PHACTR3: variants seen among roughly 807,000 people sequenced by gnomAD.
The protein encoded by PHACTR3 is protein phosphatase 1, regulatory subunit 123.
PHACTR3 carries 16 observed loss-of-function variants against 66.8 expected under a neutral mutation model. The observed-to-expected ratio is 0.24, with a 90% CI of 0.16 to 0.36. The LOEUF is 0.36. Ranked by LOEUF, PHACTR3 falls within the 10% of genes least tolerant of loss-of-function variation. The pLI is 1.00. For synonymous variants in PHACTR3, 323 were observed against 292.1 expected, an observed-to-expected ratio of 1.11 and a Z score of -1.08; for missense variants, 647 against 719.9, an observed-to-expected ratio of 0.90 and a Z score of 1.16.
chr20:59,765,366 A>C (rs533040280), intron 4 of PHACTR3, among the ~76,000 whole-genome samples: 1 of 152,324 alleles, frequency 6.6e-6, no homozygotes, highest in Non-Finnish European at 1.5e-5. Flanking sequence ...GAACAAGAGT[A>C]TAGAGCCAGT....
intron 1 of PHACTR3, among the ~76,000 whole-genome samples, chr20:59,633,433 TAA>T: frequency 1.3e-5 from 2 of 152,168 alleles, no homozygotes; most frequent in South Asian, 4.2e-4. Context: ...CTCTCACTTA[TAA>T]GTGGGAGTTG....
chr20:59,737,489 C>CGTGT (rs148487053), intron 1 of PHACTR3, among the ~76,000 whole-genome samples: 1 of 150,386 alleles, frequency 6.6e-6, no homozygotes, highest in African/African-American at 2.4e-5. Flanking sequence ...CGTGCATGTG[C>CGTGT]GTGTGTGTGT....
In PHACTR3 at chr20:59,711,783, C is replaced by G. The variant is rs140677823; in HGVS notation, c.119-31324C>G. On this transcript the variant is annotated intron_variant, in intron 1 of 12. Transcript: ENST00000371015. ...GTTGAAAAGTGTTATGTAGAACCAT[C>G]GTAAGTCAGGGATAGTCTGTATTTA... is the stretch of plus-strand genomic sequence containing the variant. Among the ~76,000 whole-genome samples the G allele has an allele frequency of 1.1e-4, 17 of 152,228 alleles. 1 individual carries two copies. The East Asian group carries it at 3.3e-3, about 29-fold the overall frequency.
intron 1 of PHACTR3, among the ~76,000 whole-genome samples, chr20:59,668,503 C>T (rs997844413): frequency 6.6e-5 from 10 of 152,126 alleles, no homozygotes; most frequent in African/African-American, 2.4e-4. Context: ...AGATACAGCT[C>T]CTTGCTCAGA....
chr20:59,800,890 A>G (rs1250109237), intron 7 of PHACTR3, among the ~76,000 whole-genome samples: 1 of 151,900 alleles, frequency 6.6e-6, no homozygotes, highest in African/African-American at 2.4e-5. Context: ...AGTTAGCTCA[A>G]CAGCTAACTC....
intron 1 of PHACTR3, among the ~76,000 whole-genome samples, chr20:59,735,297 A>G (rs1264030074): frequency 2.6e-5 from 4 of 152,316 alleles, no homozygotes; most frequent in African/African-American, 7.2e-5. Flanking sequence ...AACTCAGAGC[A>G]GTCCTGACAC....
intron 3 of PHACTR3, among the ~76,000 whole-genome samples, chr20:59,749,422 T>A (rs981135975): frequency 4.6e-5 from 7 of 152,180 alleles, no homozygotes; most frequent in African/African-American, 1.7e-4. Context: ...TTTTTTCCAC[T>A]CTGAATTTTT....
intron 1 of PHACTR3, among the ~76,000 whole-genome samples, chr20:59,635,481 G>T (rs1412531432): frequency 6.6e-6 from 1 of 151,816 alleles, no homozygotes; most frequent in Non-Finnish European, 1.5e-5. Context: ...TGATCCATCT[G>T]CCTCAGCCTC....
intron 8 of PHACTR3, among the ~76,000 whole-genome samples, chr20:59,831,394 T>C (rs2042371503): frequency 6.6e-6 from 1 of 152,198 alleles, no homozygotes; most frequent in South Asian, 2.1e-4. Flanking sequence ...TGCTGCTCTC[T>C]GTCCCTGGGG....
At chr20:59,825,025 C>T (rs984144206) in intron 8 of PHACTR3, among the ~76,000 whole-genome samples, 1 of 152,244 alleles carries the variant, frequency 6.6e-6, no homozygotes, top group Non-Finnish European at 1.5e-5. Flanking sequence ...ATGCCCCCTG[C>T]AGCGGGGCCC....
intron 1 of PHACTR3, among the ~76,000 whole-genome samples, chr20:59,654,218 T>TA (rs1274981711): frequency 6.6e-6 from 1 of 152,206 alleles, no homozygotes; most frequent in Non-Finnish European, 1.5e-5. Flanking sequence ...TGAAAGTTGC[T>TA]AAAAAAGGAA....
chr20:59,611,847 A>G (rs2033860928), intron 1 of PHACTR3, among the ~76,000 whole-genome samples: 2 of 152,116 alleles, frequency 1.3e-5, no homozygotes, highest in Admixed American at 1.3e-4. Flanking sequence ...GGGATAGCAC[A>G]CTGGTTGTCT....
intron 1 of PHACTR3, among the ~76,000 whole-genome samples, chr20:59,591,196 G>A (rs1437937832): frequency 6.6e-6 from 1 of 152,218 alleles, no homozygotes. Flanking sequence ...GCCTGCCCTT[G>A]ACAGGGCTCT....
intron 12 of PHACTR3, among the ~76,000 whole-genome samples, chr20:59,845,974 T>G (rs1236970510): frequency 6.6e-6 from 1 of 152,144 alleles, no homozygotes; most frequent in African/African-American, 2.4e-5. Context: ...AACTGCATAT[T>G]TTTTCAGTAT....
At chr20:59,656,912 A>G (rs958005884) in intron 1 of PHACTR3, among the ~76,000 whole-genome samples, 3 of 151,970 alleles carry the variant, frequency 2.0e-5, no homozygotes, top group African/African-American at 7.2e-5. Context: ...ACTCCTGAAT[A>G]GCATGATTTT....
chr20:59,786,930 C>G (rs888380993), intron 7 of PHACTR3, among the ~76,000 whole-genome samples: 2 of 54,820 alleles, frequency 3.6e-5, no homozygotes, highest in African/African-American at 6.7e-5. Flanking sequence ...TCACTAATCA[C>G]TATTTTTTTT....
chr20:59,781,662 TA>T (rs1385633440), intron 7 of PHACTR3, among the ~76,000 whole-genome samples: 1 of 152,330 alleles, frequency 6.6e-6, no homozygotes, highest in African/African-American at 2.4e-5. Flanking sequence ...AACTATACAT[TA>T]GGGGTACCAT....
intron 5 of PHACTR3, 117 bp from the exon 6 acceptor site, chr20:59,773,162 G>A (rs1351360509): frequency 1.2e-5 from 14 of 1,198,596 alleles, no homozygotes; most frequent in Non-Finnish European, 1.5e-5. Context: ...CATTAGTTGG[G>A]GCCCCTCCTG....
intron 8 of PHACTR3, among the ~76,000 whole-genome samples, chr20:59,816,845 G>C (rs8116975): frequency 6.6e-6 from 1 of 152,176 alleles, no homozygotes; most frequent in Admixed American, 6.5e-5. Context: ...ATTATAAGAT[G>C]CATGAGTATA....
Sources: allele counts gnomAD v4.1 joint callset (sites outside exome capture counted in the v4.1 genomes callset), GRCh38; gene constraint gnomAD v4.1.1; transcripts MANE v1.5; gene names NCBI Gene and HGNC (gene_info 2026-07-23, HGNC 2026-07-21).